Variants in BORCS7 observed in about 807,000 individuals in gnomAD.
BORCS7 encodes the protein BLOC-1 related complex subunit 7.
In BORCS7, 20 loss-of-function variants were observed where a neutral mutation model predicts 17.5. The observed-to-expected ratio is 1.14, with a 90% CI of 0.80 to 1.66. The LOEUF (loss-of-function observed/expected upper bound fraction) is 1.66, where lower values mean the gene tolerates loss of function less well. Among genes scored for constraint, BORCS7 ranks in the 40% most tolerant of loss-of-function variants. BORCS7 has a pLI of 0.00. For missense variants in BORCS7, 122 were observed against 129.7 expected, an observed-to-expected ratio of 0.94 and a Z score of 0.29; for synonymous variants, 57 against 49.8, an observed-to-expected ratio of 1.14 and a Z score of -0.61.
intron 1 of BORCS7, among the ~76,000 whole-genome samples, chr10:102,858,207 C>CGAGAGAGAGA (rs148405072): frequency 8.2e-5 from 10 of 121,262 alleles, no homozygotes; most frequent in African/African-American, 3.0e-4. Flanking sequence ...AGAGAGCGAG[C>CGAGAGAGAGA]GAGAGAGAGA....
Position 102,854,393 on chromosome 10 carries a change from C to G in BORCS7, c.107C>G (p.Thr36Ser). ...TTCGTDVIAL[T>S]KQVLKGSRSS... ...TGTGGTACTGACGTAATCGCGCTCA[C>G]CAAGCAGGTGCTGAAAGGCTCCCGG... The change falls in exon 1 of 5, where the codon ACC becomes AGC. Residue 36 changes from threonine to serine, a missense_variant. Coordinates refer to ENST00000339834, the MANE Select transcript of BORCS7 (RefSeq NM_001136200.2). 6.4e-7 allele frequency: 1 copy of G among 1,554,136 alleles called. No homozygotes were observed. Among genetic ancestry groups the G allele is most frequent in the South Asian group, 1.2e-5 (1 of 84,688 alleles).
chr10:102,862,282 T>A, intron 4 of BORCS7, 102 bp downstream of exon 4: 2 of 1,107,856 alleles, frequency 1.8e-6, no homozygotes, highest in Non-Finnish European at 1.3e-6. Context: ...GGTTGACACC[T>A]GCCCTCAAAT....
At chr10:102,862,741 A>G (rs919165406) in intron 4 of BORCS7, 132 bp from the exon 5 acceptor site, 38 of 720,820 alleles carry the variant, frequency 5.3e-5, no homozygotes, top group Non-Finnish European at 1.4e-5. Flanking sequence ...TTGAGCCCAG[A>G]GTTTGAGATT....
rs1590214289 is a variant in BORCS7 at position 102,863,169 on chromosome 10, A to T, written c.*245A>T. 4 of 338,880 alleles carry T rather than the reference A, an allele frequency of 1.2e-5. No individual in the cohort carries two copies. Among genetic ancestry groups the T allele is most frequent in the Middle Eastern group, 9.1e-4 (1 of 1,098 alleles). 21.0% of individuals were successfully genotyped at this position (338,880 alleles called of 1,614,324 possible). A position where few individuals can be genotyped will look rare whatever the true frequency, so the allele number is the denominator to read the frequency against. ...GCCAAGATGGTGAAACCCCGTCTCT[A>T]CTAAAAATACAAAGAATTAGCTGGG... On this transcript the variant is annotated 3_prime_UTR_variant, in exon 5 of 5. Transcript: ENST00000339834.
chr10:102,855,774 AGAG>A (rs1844416788), intron 1 of BORCS7, among the ~76,000 whole-genome samples: 2 of 152,146 alleles, frequency 1.3e-5, no homozygotes, highest in South Asian at 4.1e-4. Context: ...GTTTTGAGAC[AGAG>A]GAGGAGTCCC....
At chr10:102,859,368 G>T (rs1209300386) in intron 1 of BORCS7, among the ~76,000 whole-genome samples, 1 of 151,688 alleles carries the variant, frequency 6.6e-6, no homozygotes, top group Non-Finnish European at 1.5e-5. Context: ...TTGAACTCCT[G>T]ATCTCAGGTG....
intron 1 of BORCS7, among the ~76,000 whole-genome samples, 191 bp from the exon 2 acceptor site, chr10:102,860,141 C>T (rs1844492312): frequency 1.3e-5 from 2 of 152,130 alleles, no homozygotes; most frequent in South Asian, 4.1e-4. Flanking sequence ...GCCAGAACTG[C>T]CATAGTGCCA....
intron 4 of BORCS7, 35 bp downstream of exon 4, chr10:102,862,215 A>T: frequency 6.3e-7 from 1 of 1,591,930 alleles, no homozygotes; most frequent in Non-Finnish European, 8.6e-7. Flanking sequence ...GTAGGGAACC[A>T]ACTGAAGCAG....
Position 102,862,935 on chromosome 10 carries a change from A to G in BORCS7, c.*11A>G, listed in dbSNP as rs1310677897. The G allele has an allele frequency of 6.2e-7, 1 of 1,602,360 alleles. No homozygotes were observed. Among genetic ancestry groups the G allele is most frequent in the Non-Finnish European group, 8.6e-7 (1 of 1,169,224 alleles). Reference sequence around the variant, plus strand: ...CATCTGTTGAAATAGAATGACATGTAAGAGTGCTGTAGGACTCCTTTGCCT... The same window carrying G: ...CATCTGTTGAAATAGAATGACATGTGAGAGTGCTGTAGGACTCCTTTGCCT... On this transcript the variant is annotated 3_prime_UTR_variant, in exon 5 of 5. Coordinates refer to ENST00000339834, the MANE Select transcript of BORCS7 (RefSeq NM_001136200.2).
In BORCS7 at chr10:102,862,332, A is replaced by G. The variant is rs1359232334; in HGVS notation, c.269+152A>G. The G allele has an allele frequency of 1.6e-5, 12 of 738,912 alleles. No individual in the cohort carries two copies. The East Asian group carries it at 3.2e-4, about 20-fold the overall frequency. The allele number at this position is 738,912 out of a possible 1,614,324, so 45.8% of individuals were successfully genotyped here. On this transcript the variant is annotated intron_variant, in intron 4 of 4. Coordinates refer to ENST00000339834, the MANE Select transcript of BORCS7 (RefSeq NM_001136200.2). Reference sequence around the variant, plus strand: ...GGATACTCACTTGGGATTTAAAGATACAGCATATTTCAAAGGTGTGCAGTA... The same window carrying G: ...GGATACTCACTTGGGATTTAAAGATGCAGCATATTTCAAAGGTGTGCAGTA...
intron 1 of BORCS7, among the ~76,000 whole-genome samples, chr10:102,858,186 T>C (rs575474640): frequency 2.2e-5 from 2 of 91,534 alleles, no homozygotes; most frequent in Non-Finnish European, 5.1e-5. Context: ...AATATATATA[T>C]ATATAGAGAG....
rs1844564554 is a variant in BORCS7, at chr10:102,864,500, A to G, written c.*1576A>G. 1 of 152,192 alleles carries G rather than the reference A, an allele frequency of 6.6e-6. No homozygotes were observed. The highest frequency in any genetic ancestry group is 1.5e-5 in the Non-Finnish European group (1 of 68,010). 9.4% of individuals were successfully genotyped at this position (152,192 alleles called of 1,614,324 possible). A position where few individuals can be genotyped will look rare whatever the true frequency, so the allele number is the denominator to read the frequency against. On this transcript the variant is annotated 3_prime_UTR_variant, in exon 5 of 5. Transcript: ENST00000339834. ...ATACTTAAGTTAGAAAAAAATTAAA[A>G]TGAAGGGATGGTCTAAGTTTTCTTC...
At chr10:102,860,621 C>T in intron 3 of BORCS7, 80 bp downstream of exon 3, 1 of 1,503,912 alleles carries the variant, frequency 6.6e-7, no homozygotes, top group Non-Finnish European at 9.2e-7. Flanking sequence ...TGCTTCAGCA[C>T]TTTCCTGTGG....
rs1470604232 is a variant in BORCS7 at position 102,864,909 on chromosome 10, G to T, written c.*1985G>T. 1 of 152,048 alleles carries T rather than the reference G, an allele frequency of 6.6e-6. No homozygotes were observed. The highest frequency in any genetic ancestry group is 2.4e-5 in the African/African-American group (1 of 41,424). The allele number at this position is 152,048 out of a possible 1,614,324, so 9.4% of individuals were successfully genotyped here. ...GTTCAAATGCCATAAAAGAAAATTT[G>T]TGTGATAATACCAAAGCAGTACTAT... On this transcript the variant is annotated 3_prime_UTR_variant, in exon 5 of 5. Coordinates refer to ENST00000339834, the MANE Select transcript of BORCS7 (RefSeq NM_001136200.2).
At chr10:102,857,383 G>A (rs1027441402) in intron 1 of BORCS7, among the ~76,000 whole-genome samples, 2 of 151,960 alleles carry the variant, frequency 1.3e-5, no homozygotes, top group Admixed American at 6.6e-5. Context: ...TTCTGCCATC[G>A]GTTTGTAAGT....
At chr10:102,854,488 G>T in intron 1 of BORCS7, 61 bp downstream of exon 1, 1 of 1,494,044 alleles carries the variant, frequency 6.7e-7, no homozygotes, top group Admixed American at 2.3e-5. Flanking sequence ...TTTCGTTGCT[G>T]TGGGAAGGAG....
At chr10:102,857,614 T>C (rs796266747) in intron 1 of BORCS7, among the ~76,000 whole-genome samples, 16 of 152,236 alleles carry the variant, frequency 1.1e-4, no homozygotes, top group African/African-American at 3.6e-4. Flanking sequence ...TAGGAGATAT[T>C]TGTAACAGTA....
chr10:102,861,924 C>T (rs572184183), intron 3 of BORCS7, among the ~76,000 whole-genome samples: 47 of 152,244 alleles, frequency 3.1e-4, no homozygotes, highest in African/African-American at 1.1e-3. Context: ...GTCTGTTGAA[C>T]CACATTTCTC....
intron 1 of BORCS7, among the ~76,000 whole-genome samples, chr10:102,859,018 G>C (rs902655586): frequency 1.3e-4 from 20 of 151,774 alleles, no homozygotes; most frequent in Non-Finnish European, 2.8e-4. Flanking sequence ...GTGCTAATGT[G>C]GTCAGCTCTC....
Sources: gnomAD v4.1 joint callset for allele counts (sites outside exome capture counted in the v4.1 genomes callset) on GRCh38, gnomAD v4.1.1 for gene constraint, MANE v1.5 for transcripts, NCBI Gene and HGNC (gene_info 2026-07-23, HGNC 2026-07-21) for gene names.